Variants in MYLK observed in about 807,000 individuals in gnomAD.
MYLK encodes the protein myosin light chain kinase, smooth muscle.
In MYLK, 106 loss-of-function variants were observed where a neutral mutation model predicts 203.4. That is an observed-to-expected ratio of 0.52 (90% CI 0.45 to 0.61). The LOEUF (loss-of-function observed/expected upper bound fraction) is 0.61. Ranked by LOEUF, MYLK falls within the 20% of genes least tolerant of loss-of-function variation. The pLI is 0.00. For synonymous variants in MYLK, 867 were observed against 959.5 expected (o/e 0.90, Z 1.78); for missense variants, 2,072 against 2,442.3 (o/e 0.85, Z 3.20).
chr3:123,730,107 T>A (rs555449762), intron 11 of MYLK, among the ~76,000 whole-genome samples: 1 of 152,114 alleles, frequency 6.6e-6, no homozygotes, highest in East Asian at 1.9e-4. Context: ...CAAGCACCTT[T>A]AGTCCCACCT....
At chr3:123,822,379 C>G (rs1359619567) in intron 3 of MYLK, among the ~76,000 whole-genome samples, 1 of 152,154 alleles carries the variant, frequency 6.6e-6, no homozygotes, top group African/African-American at 2.4e-5. Context: ...CAAAGCGCAG[C>G]CCATAGAATT....
intron 3 of MYLK, among the ~76,000 whole-genome samples, chr3:123,821,943 G>C (rs2065951562): frequency 6.6e-6 from 1 of 152,146 alleles, no homozygotes; most frequent in Non-Finnish European, 1.5e-5. Context: ...ACCTTTAAGA[G>C]GTGATTAAGT....
chr3:123,685,422 G>A (rs1015022610), intron 19 of MYLK, among the ~76,000 whole-genome samples: 7 of 151,976 alleles, frequency 4.6e-5, no homozygotes, highest in African/African-American at 9.7e-5. Context: ...GTGAAACCCC[G>A]TCTCTACAAA....
intron 23 of MYLK, 96 bp from the exon 24 acceptor site, chr3:123,657,524 G>A (rs1260729614): frequency 3.0e-5 from 39 of 1,288,556 alleles, no homozygotes; most frequent in Non-Finnish European, 3.6e-5. Flanking sequence ...AGGCAGCCTA[G>A]AGAACCCAAT....
intron 4 of MYLK, among the ~76,000 whole-genome samples, chr3:123,754,858 G>A (rs1422382425): frequency 6.6e-6 from 1 of 152,122 alleles, no homozygotes; most frequent in African/African-American, 2.4e-5. Context: ...GGGCCTCAAG[G>A]AATTTAAATC....
At chr3:123,702,968 G>A (rs1291372034) in intron 16 of MYLK, among the ~76,000 whole-genome samples, 1 of 152,304 alleles carries the variant, frequency 6.6e-6, no homozygotes, top group South Asian at 2.1e-4. Context: ...TCTGGTCTGG[G>A]ACATGTGTGT....
chr3:123,842,540 T>C (rs1455440927), intron 2 of MYLK, among the ~76,000 whole-genome samples: 1 of 152,172 alleles, frequency 6.6e-6, no homozygotes, highest in Non-Finnish European at 1.5e-5. Flanking sequence ...ATTACTCTTT[T>C]CAAACACATA....
chr3:123,737,327 G>T, intron 8 of MYLK, 51 bp downstream of exon 8: 2 of 1,612,988 alleles, frequency 1.2e-6, no homozygotes, highest in Non-Finnish European at 1.7e-6. Flanking sequence ...CTCTAGGAGG[G>T]TGCGGCACCA....
Position 123,696,981 on chromosome 3 carries a change from C to G in MYLK, c.3448+3039G>C, listed in dbSNP as rs1192161746. 2.0e-5 allele frequency among the ~76,000 whole-genome samples: 3 copies of G among 152,248 alleles called. No homozygotes were observed. The East Asian group carries it at 5.8e-4, about 29-fold the overall frequency. On this transcript the variant is annotated intron_variant, in intron 18 of 33. Transcript: ENST00000360304. ...CCGCCTGGAAGCCCGTCCCCTCTGG[C>G]CTGTCTTCGGGGCTTAGATCAAAGT...
chr3:123,750,370 T>C (rs1461746757), intron 5 of MYLK, among the ~76,000 whole-genome samples: 2 of 152,150 alleles, frequency 1.3e-5, no homozygotes, highest in Non-Finnish European at 2.9e-5. Context: ...TCAGCCTGAT[T>C]TCCTTTCCCC....
In MYLK at chr3:123,712,156, C is replaced by T. The variant is rs112769899; in HGVS notation, c.1805-2263G>A. Among the ~76,000 whole-genome samples, 1,197 of 152,280 alleles carry T rather than the reference C, an allele frequency of 7.9e-3. 14 individuals are homozygous for T. The highest frequency in any genetic ancestry group is 0.027 in the African/African-American group (1,119 of 41,564). ...GCTGCTGACTCAGCACCGCAGCCTT[C>T]GATGGAGGGCCGCCAGGGGCCTTGG... is the stretch of plus-strand genomic sequence containing the variant. On this transcript the variant is annotated intron_variant, in intron 13 of 33. Coordinates refer to ENST00000360304, the MANE Select transcript of MYLK (RefSeq NM_053025.4).
Position 123,862,751 on chromosome 3 carries a change from T to C in MYLK, c.-127+13808A>G, listed in dbSNP as rs186861535. On this transcript the variant is annotated intron_variant, in intron 2 of 33. Transcript: ENST00000360304. ...CTGATGCTAAATAAAAAAGGTGAAA[T>C]CCAGGTTAGGCTTAATAACATCCCC... Among the ~76,000 whole-genome samples, 5 of 152,204 alleles carry C rather than the reference T, an allele frequency of 3.3e-5. No homozygotes were observed. In the East Asian group the frequency reaches 5.8e-4, roughly 18 times the overall value.
At chr3:123,843,664 C>T (rs188494986) in intron 2 of MYLK, among the ~76,000 whole-genome samples, 15 of 152,056 alleles carry the variant, frequency 9.9e-5, no homozygotes, top group Admixed American at 3.3e-4. Flanking sequence ...TTCCAAAGGC[C>T]GTATCAGTCC....
In MYLK at chr3:123,782,755, C is replaced by T. The variant is rs569621781; in HGVS notation, c.165+10922G>A. Among the ~76,000 whole-genome samples the T allele has an allele frequency of 1.3e-4, 20 of 152,286 alleles. No individual in the cohort carries two copies. In the East Asian group the frequency reaches 3.9e-3, roughly 29 times the overall value. ...TGGAAACACGTTAAAACAATAGGAG[C>T]CTAAGGCCTTATTAGTAGAGAGACA... On this transcript the variant is annotated intron_variant, in intron 4 of 33. Coordinates refer to ENST00000360304, the MANE Select transcript of MYLK (RefSeq NM_053025.4).
At chr3:123,758,482 G>GCAAA (rs2063430836) in intron 4 of MYLK, among the ~76,000 whole-genome samples, 1 of 152,142 alleles carries the variant, frequency 6.6e-6, no homozygotes, top group Non-Finnish European at 1.5e-5. Flanking sequence ...TGCCATGTGG[G>GCAAA]TCTCCAGGGA....
In MYLK at chr3:123,681,787, G is replaced by A; in HGVS notation, c.3652+437C>T. 1.7e-5 allele frequency: 4 copies of A among 239,376 alleles called. No individual in the cohort carries two copies. In the South Asian group the frequency reaches 1.9e-4, roughly 11 times the overall value. 14.8% of individuals were successfully genotyped at this position (239,376 alleles called of 1,614,324 possible). A position where few individuals can be genotyped will look rare whatever the true frequency, so the allele number is the denominator to read the frequency against. On this transcript the variant is annotated intron_variant, in intron 20 of 33. Coordinates refer to ENST00000360304, the MANE Select transcript of MYLK (RefSeq NM_053025.4). Reference sequence around the variant, plus strand: ...GGCACTAACATGTGGAGCTTTGCTTGTGGGTTTTGCAGGCTCTGGGGGCCA... The same window carrying A: ...GGCACTAACATGTGGAGCTTTGCTTATGGGTTTTGCAGGCTCTGGGGGCCA...
chr3:123,631,362 C>T (rs535749531), intron 29 of MYLK, among the ~76,000 whole-genome samples: 1 of 148,072 alleles, frequency 6.8e-6, no homozygotes, highest in South Asian at 2.1e-4. Context: ...CGCACCATTG[C>T]ACTCCAACCT....
At chr3:123,796,103 C>T (rs911539826) in intron 3 of MYLK, among the ~76,000 whole-genome samples, 4 of 152,108 alleles carry the variant, frequency 2.6e-5, no homozygotes, top group African/African-American at 9.7e-5. Flanking sequence ...CTCACAGGTT[C>T]CCTGCAGTAG....
At chr3:123,880,357 A>T (rs1022610108) in intron 1 of MYLK, among the ~76,000 whole-genome samples, 1 of 152,196 alleles carries the variant, frequency 6.6e-6, no homozygotes, top group African/African-American at 2.4e-5. Flanking sequence ...AGCATCCTCA[A>T]CTATAAAAGC....
Sources: gnomAD v4.1 joint callset for allele counts (sites outside exome capture counted in the v4.1 genomes callset) on GRCh38, gnomAD v4.1.1 for gene constraint, MANE v1.5 for transcripts, NCBI Gene and HGNC (gene_info 2026-07-23, HGNC 2026-07-21) for gene names.